CTNNA3: variants seen among roughly 807,000 people sequenced by gnomAD.
The protein encoded by CTNNA3 is catenin alpha 3.
Under a neutral mutation model 95.7 loss-of-function variants are expected in CTNNA3, and 76 were observed. The observed-to-expected ratio is 0.79, with a 90% confidence interval of 0.66 to 0.96. The LOEUF (loss-of-function observed/expected upper bound fraction) is 0.96. CTNNA3 is among the 40% of genes least tolerant of loss of function. The pLI, the probability that CTNNA3 is intolerant of heterozygous loss-of-function variation, is 0.00. For missense variants in CTNNA3, 1,191 were observed against 1,089.8 expected, an observed-to-expected ratio of 1.09 and a Z score of -1.31; for synonymous variants, 431 against 374.4, an observed-to-expected ratio of 1.15 and a Z score of -1.74.
At chr10:67,027,390 T>G (rs1180219058) in intron 7 of CTNNA3, among the ~76,000 whole-genome samples, 1 of 152,088 alleles carries the variant, frequency 6.6e-6, no homozygotes. Context: ...ATTAAATACC[T>G]ATATTTCTGT....
chr10:66,744,040 G>A (rs1365052581), intron 9 of CTNNA3, among the ~76,000 whole-genome samples: 1 of 143,822 alleles, frequency 7.0e-6, no homozygotes, highest in Admixed American at 7.0e-5. Context: ...AAAGAGGGAA[G>A]AATGAATGTA....
intron 2 of CTNNA3, among the ~76,000 whole-genome samples, chr10:67,629,152 C>T (rs1246723398): frequency 2.0e-5 from 3 of 151,688 alleles, no homozygotes; most frequent in African/African-American, 7.3e-5. Flanking sequence ...TTTTGTTCTC[C>T]AGAGTTAAAA....
At chr10:66,281,953 T>C (rs2091500295) in intron 12 of CTNNA3, among the ~76,000 whole-genome samples, 1 of 151,922 alleles carries the variant, frequency 6.6e-6, no homozygotes, top group Non-Finnish European at 1.5e-5. Context: ...AGGTGGCTAC[T>C]AGCTGCATAT....
intron 3 of CTNNA3, among the ~76,000 whole-genome samples, chr10:67,585,551 T>C (rs1420454952): frequency 1.3e-5 from 2 of 152,182 alleles, no homozygotes; most frequent in Non-Finnish European, 2.9e-5. Flanking sequence ...TCTTTCCTGC[T>C]TCAATCTTGG....
At position 67,508,450 on chromosome 10, in the gene CTNNA3, T is replaced by C. The variant is rs1424141229; in HGVS notation, c.579+13392A>G. Reference sequence around the variant, plus strand: ...AATAAGTGGGGTTGGGAAAATTGAATATCCACATACCAAAAAACAAATTTA... The same window carrying C: ...AATAAGTGGGGTTGGGAAAATTGAACATCCACATACCAAAAAACAAATTTA... On this transcript the variant is annotated intron_variant, in intron 5 of 17. Coordinates refer to ENST00000433211, the MANE Select transcript of CTNNA3 (RefSeq NM_013266.4). Among the ~76,000 whole-genome samples the C allele has an allele frequency of 2.6e-5, 4 of 152,196 alleles. No homozygotes were observed. In the East Asian group the frequency reaches 5.8e-4, roughly 22 times the overall value.
intron 5 of CTNNA3, among the ~76,000 whole-genome samples, chr10:67,302,020 AAAGAAAGAAAGAAAGAAAGAAAGAAAG>A (rs1840325352): frequency 3.0e-5 from 1 of 33,542 alleles, no homozygotes. Flanking sequence ...AGAAAGAAAG[AAAGAAAGAAAGAAAGAAAGAAAGAAAG>A]AAAGAAAGAA....
intron 5 of CTNNA3, among the ~76,000 whole-genome samples, chr10:67,434,101 C>A (rs1180042208): frequency 6.6e-6 from 1 of 152,030 alleles, no homozygotes; most frequent in Non-Finnish European, 1.5e-5. Context: ...TAATCTGAAA[C>A]TCCTTCAAGA....
intron 5 of CTNNA3, among the ~76,000 whole-genome samples, chr10:67,442,817 T>C (rs189656261): frequency 6.6e-6 from 1 of 152,174 alleles, no homozygotes; most frequent in African/African-American, 2.4e-5. Context: ...TATTATACTT[T>C]AAGTTTTAGG....
intron 5 of CTNNA3, among the ~76,000 whole-genome samples, chr10:67,487,534 G>A (rs745571405): frequency 6.6e-6 from 1 of 152,154 alleles, no homozygotes; most frequent in African/African-American, 2.4e-5. Context: ...AAAATCATCT[G>A]GGGCAATCAA....
chr10:66,218,412 T>G (rs1014363762), intron 13 of CTNNA3, among the ~76,000 whole-genome samples: 1 of 151,902 alleles, frequency 6.6e-6, no homozygotes. Flanking sequence ...TCTCTTTCTC[T>G]CTGTCTGTCT....
intron 13 of CTNNA3, among the ~76,000 whole-genome samples, chr10:66,254,251 G>C (rs2090671427): frequency 6.6e-6 from 1 of 152,138 alleles, no homozygotes; most frequent in Non-Finnish European, 1.5e-5. Context: ...GAAGTAATTT[G>C]ACTTCCCTAT....
chr10:67,591,820 A>T (rs1238562154), intron 3 of CTNNA3, among the ~76,000 whole-genome samples: 1 of 152,140 alleles, frequency 6.6e-6, no homozygotes, highest in Non-Finnish European at 1.5e-5. Context: ...CAAACCATAG[A>T]CTTCCAAGTG....
intron 7 of CTNNA3, among the ~76,000 whole-genome samples, chr10:67,114,023 C>CA (rs1374432391): frequency 2.0e-5 from 3 of 151,054 alleles, no homozygotes; most frequent in Admixed American, 6.6e-5. Context: ...TTTGAGGCTT[C>CA]AGTGAGCTAT....
chr10:67,331,353 A>T (rs1183319037), intron 5 of CTNNA3, among the ~76,000 whole-genome samples: 1 of 152,248 alleles, frequency 6.6e-6, no homozygotes, highest in Non-Finnish European at 1.5e-5. Context: ...ATTTTCCAAC[A>T]TCACTTGCAG....
intron 7 of CTNNA3, among the ~76,000 whole-genome samples, chr10:67,071,472 A>G (rs1856457532): frequency 6.6e-6 from 1 of 150,730 alleles, no homozygotes; most frequent in Admixed American, 6.6e-5. Context: ...TGTTAAGTCA[A>G]TTCTCAATCT....
chr10:66,228,625 CA>C (rs1169573023), intron 13 of CTNNA3, among the ~76,000 whole-genome samples: 16 of 152,194 alleles, frequency 1.1e-4, no homozygotes, highest in African/African-American at 3.9e-4. Context: ...GTTGTTGCAT[CA>C]AATCTTCTCT....
At chr10:67,205,451 T>C (rs754941020) in intron 6 of CTNNA3, among the ~76,000 whole-genome samples, 1 of 152,178 alleles carries the variant, frequency 6.6e-6, no homozygotes, top group Non-Finnish European at 1.5e-5. Flanking sequence ...CATATATTTA[T>C]AGGCATCAGA....
At chr10:67,727,513 CAT>C (rs1225990272) in intron 1 of CTNNA3, among the ~76,000 whole-genome samples, 5 of 128,228 alleles carry the variant, frequency 3.9e-5, no homozygotes, top group African/African-American at 1.4e-4. Context: ...TCATATATAA[CAT>C]ATCATATATT....
chr10:66,753,690 TAC>T (rs1037760044), intron 9 of CTNNA3, among the ~76,000 whole-genome samples: 2 of 150,288 alleles, frequency 1.3e-5, no homozygotes, highest in Non-Finnish European at 3.0e-5. Flanking sequence ...TATATATATA[TAC>T]ACACACACAC....
Sources: gnomAD v4.1 joint callset for allele counts (sites outside exome capture counted in the v4.1 genomes callset) on GRCh38, gnomAD v4.1.1 for gene constraint, MANE v1.5 for transcripts, NCBI Gene and HGNC (gene_info 2026-07-23, HGNC 2026-07-21) for gene names.